The following SOBP variants were observed in gnomAD, a reference collection of about 807,000 sequenced individuals.
SOBP encodes the protein sine oculis binding protein homolog.
A neutral mutation model predicts 53.6 loss-of-function variants in SOBP; 4 were observed. The observed-to-expected ratio is 0.07, with a 90% CI of 0.04 to 0.17. The LOEUF is 0.17. SOBP is among the 10% of genes least tolerant of loss of function. SOBP has a pLI of 1.00. For missense variants in SOBP, 1,088 were observed against 1,204.7 expected, an observed-to-expected ratio of 0.90 and a Z score of 1.43; for synonymous variants, 584 against 522.6, an observed-to-expected ratio of 1.12 and a Z score of -1.60.
At chr6:107,628,408 A>G (rs974145149) in intron 5 of SOBP, among the ~76,000 whole-genome samples, 20 of 152,176 alleles carry the variant, frequency 1.3e-4, no homozygotes, top group African/African-American at 4.8e-4. Flanking sequence ...GAGGTGTAGC[A>G]TGAGTTTGCC....
intron 3 of SOBP, among the ~76,000 whole-genome samples, chr6:107,513,515 T>C (rs1783230608): frequency 1.3e-5 from 2 of 152,208 alleles, no homozygotes; most frequent in Non-Finnish European, 2.9e-5. Context: ...GTTTGCATTA[T>C]GGTCATTATT....
chr6:107,608,732 G>GA (rs1339225166), intron 5 of SOBP, among the ~76,000 whole-genome samples: 2 of 152,204 alleles, frequency 1.3e-5, no homozygotes, highest in African/African-American at 2.4e-5. Context: ...GATGAGTTAA[G>GA]AGACAGATAC....
intron 3 of SOBP, chr6:107,514,577 T>G (rs1272666731): frequency 6.6e-6 from 1 of 152,206 alleles, no homozygotes; most frequent in Non-Finnish European, 1.5e-5. Flanking sequence ...ATGAAATGTA[T>G]AATTTGAATG....
intron 1 of SOBP, among the ~76,000 whole-genome samples, chr6:107,501,852 G>A (rs1782850288): frequency 6.6e-6 from 1 of 152,130 alleles, no homozygotes; most frequent in Non-Finnish European, 1.5e-5. Context: ...TCATATCTTT[G>A]TGCATTCATG....
chr6:107,558,123 A>C (rs1033975545), intron 4 of SOBP: 1 of 152,162 alleles, frequency 6.6e-6, no homozygotes, highest in African/African-American at 2.4e-5. Flanking sequence ...ATTGATTTTT[A>C]GTCTTTTCAT....
intron 4 of SOBP, among the ~76,000 whole-genome samples, chr6:107,544,116 G>A (rs1208584752): frequency 6.6e-6 from 1 of 152,118 alleles, no homozygotes; most frequent in Non-Finnish European, 1.5e-5. Flanking sequence ...AAGTCTGATG[G>A]GATGAGGCTG....
intron 2 of SOBP, 97 bp from the exon 3 acceptor site, chr6:107,506,145 G>T: frequency 1.1e-5 from 11 of 1,007,348 alleles, no homozygotes; most frequent in South Asian, 1.1e-4. Context: ...AAAATATGTT[G>T]GGTTCATGGC....
intron 5 of SOBP, among the ~76,000 whole-genome samples, chr6:107,596,892 A>G (rs1052997250): frequency 5.3e-5 from 8 of 152,232 alleles, no homozygotes; most frequent in African/African-American, 1.9e-4. Flanking sequence ...GACAAAGTAT[A>G]TGTAGGTATA....
chr6:107,545,896 A>G (rs1334141803), intron 4 of SOBP, among the ~76,000 whole-genome samples: 1 of 152,184 alleles, frequency 6.6e-6, no homozygotes, highest in African/African-American at 2.4e-5. Flanking sequence ...TAAAAACCAT[A>G]AAATCTGCCT....
chr6:107,521,103 A>G (rs1238426953), intron 3 of SOBP, among the ~76,000 whole-genome samples: 2 of 148,438 alleles, frequency 1.3e-5, no homozygotes, highest in South Asian at 2.2e-4. Flanking sequence ...CGATATTACC[A>G]AATGTCCCCT....
At chr6:107,523,867 C>A (rs765083069) in intron 3 of SOBP, among the ~76,000 whole-genome samples, 3 of 152,222 alleles carry the variant, frequency 2.0e-5, no homozygotes, top group Non-Finnish European at 2.9e-5. Context: ...CTAGGGGCAG[C>A]CATGGGAAGC....
intron 4 of SOBP, among the ~76,000 whole-genome samples, chr6:107,568,084 A>G (rs1784968864): frequency 6.6e-6 from 1 of 152,190 alleles, no homozygotes; most frequent in South Asian, 2.1e-4. Flanking sequence ...AGAAATCTCC[A>G]TTAAGAATTT....
intron 4 of SOBP, among the ~76,000 whole-genome samples, chr6:107,544,129 G>A (rs1298814192): frequency 6.6e-6 from 1 of 152,182 alleles, no homozygotes; most frequent in Non-Finnish European, 1.5e-5. Context: ...TGAGGCTGCT[G>A]TTACCCATCA....
chr6:107,523,141 A>T (rs1413074718), intron 3 of SOBP, among the ~76,000 whole-genome samples: 3 of 152,190 alleles, frequency 2.0e-5, no homozygotes, highest in Non-Finnish European at 4.4e-5. Flanking sequence ...TGATAACTGG[A>T]GTCATAAGAA....
intron 5 of SOBP, among the ~76,000 whole-genome samples, chr6:107,630,758 C>G (rs62428437): frequency 9.7e-5 from 3 of 30,928 alleles, no homozygotes; most frequent in South Asian, 5.4e-4. Context: ...CTGTCTCTCT[C>G]TCTCTCTCTC....
chr6:107,500,328 C>T (rs1310032261), intron 1 of SOBP, among the ~76,000 whole-genome samples: 6 of 149,030 alleles, frequency 4.0e-5, no homozygotes, highest in Non-Finnish European at 8.9e-5. Context: ...TGCAGTGAAC[C>T]AAGATCATGC....
chr6:107,554,505 G>T (rs1449652706), intron 4 of SOBP, among the ~76,000 whole-genome samples: 1 of 152,184 alleles, frequency 6.6e-6, no homozygotes, highest in East Asian at 1.9e-4. Context: ...AATTTAAACT[G>T]TCAGCCCATT....
chr6:107,573,469 G>T (rs1314063273), intron 4 of SOBP, among the ~76,000 whole-genome samples: 1 of 152,114 alleles, frequency 6.6e-6, no homozygotes, highest in African/African-American at 2.4e-5. Context: ...GGCATTGTGT[G>T]ATGGATTGTC....
intron 5 of SOBP, among the ~76,000 whole-genome samples, chr6:107,590,550 A>C (rs1785710805): frequency 6.6e-6 from 1 of 152,188 alleles, no homozygotes; most frequent in African/African-American, 2.4e-5. Flanking sequence ...GCCATCACCT[A>C]GACAACGTCT....
Sources: gnomAD v4.1 joint callset for allele counts (sites outside exome capture counted in the v4.1 genomes callset) on GRCh38, gnomAD v4.1.1 for gene constraint, MANE v1.5 for transcripts, NCBI Gene and HGNC (gene_info 2026-07-23, HGNC 2026-07-21) for gene names.